DLG4: variants seen among roughly 807,000 people sequenced by gnomAD.
DLG4 encodes discs large MAGUK scaffold protein 4.
In DLG4, 7 loss-of-function variants were observed where a neutral mutation model predicts 93.8. That is an observed-to-expected ratio of 0.07 (90% confidence interval 0.04 to 0.14). The LOEUF is 0.14. Ranked by LOEUF, DLG4 falls within the 10% of genes least tolerant of loss-of-function variation. The pLI, the probability that DLG4 is intolerant of heterozygous loss-of-function variation, is 1.00. For synonymous variants in DLG4, 341 were observed against 387.6 expected (o/e 0.88, Z 1.41); for missense variants, 545 against 992.9 (o/e 0.55, Z 6.06).
intron 1 of DLG4, among the ~76,000 whole-genome samples, chr17:7,214,762 G>T (rs1567552810): frequency 6.6e-6 from 1 of 152,244 alleles, no homozygotes; most frequent in Non-Finnish European, 1.5e-5. Context: ...GGAGGGACGG[G>T]GGCGGAGTGG....
chr17:7,219,031 T>G, upstream of DLG4: 1 of 660,274 alleles, frequency 1.5e-6, no homozygotes, highest in Non-Finnish European at 2.6e-6. Flanking sequence ...GGCCCCCTCT[T>G]CCCATAGGCA....
At position 7,190,867 on chromosome 17, in the gene DLG4, T is replaced by TGGCCAAGGGGGTTGCACC. The variant is rs1274072287; in HGVS notation, c.2069-71_2069-54dup. The TGGCCAAGGGGGTTGCACC allele has an allele frequency of 1.6e-5, 24 of 1,489,430 alleles. No homozygotes were observed. The African/African-American group carries it at 3.1e-4, about 19-fold the overall frequency. 92.3% of individuals were successfully genotyped at this position (1,489,430 alleles called of 1,614,324 possible). A position where few individuals can be genotyped will look rare whatever the true frequency, so the allele number is the denominator to read the frequency against. ...GGCCAAGGAAGGGCCAGAGGACACC[T>TGGCCAAGGGGGTTGCACC]GGCCAAGGGGGTTGCACCAGCCCAG... On this transcript the variant is annotated intron_variant, in intron 19 of 19. Transcript: ENST00000399506.
Position 7,217,156 on chromosome 17 carries a change from G to A in DLG4, c.-9C>T. ...ATACAGAGACAGTCCATGTTGGGGG[G>A]CCTGGCCGCGGCGGCGGGTAAGGGG... On this transcript the variant is annotated 5_prime_UTR_variant, in exon 1 of 20. Coordinates refer to ENST00000399506, the MANE Select transcript of DLG4 (RefSeq NM_001321075.3). 1 of 1,289,560 alleles carries A rather than the reference G, an allele frequency of 7.8e-7. No homozygotes were observed. Among genetic ancestry groups the A allele is most frequent in the East Asian group, 3.1e-5 (1 of 32,238 alleles). 79.9% of individuals were successfully genotyped at this position (1,289,560 alleles called of 1,614,324 possible).
Position 7,217,112 on chromosome 17 carries a change from G to A in DLG4, c.30+6C>T. ...CCCCAGTTTATAGCCCCCCCATCATGCTTACCTTGGTTGTCACTATACAGA... is the reference window on the plus strand; with the variant it reads ...CCCCAGTTTATAGCCCCCCCATCATACTTACCTTGGTTGTCACTATACAGA... On this transcript the variant is annotated splice_donor_region_variant and intron_variant, in intron 1 of 19. Transcript: ENST00000399506. The A allele has an allele frequency of 7.8e-7, 1 of 1,288,700 alleles. No individual in the cohort carries two copies. Among genetic ancestry groups the A allele is most frequent in the South Asian group, 3.2e-5 (1 of 30,850 alleles). The allele number at this position is 1,288,700 out of a possible 1,614,324, so 79.8% of individuals were successfully genotyped here.
intron 8 of DLG4, among the ~76,000 whole-genome samples, chr17:7,199,802 C>T (rs1402368435): frequency 6.6e-6 from 1 of 151,532 alleles, no homozygotes; most frequent in Non-Finnish European, 1.5e-5. Flanking sequence ...CACGGTGAAA[C>T]CCCATCTCTA....
chr17:7,216,078 T>A (rs1480671662), intron 1 of DLG4, among the ~76,000 whole-genome samples: 1 of 151,020 alleles, frequency 6.6e-6, no homozygotes, highest in Non-Finnish European at 1.5e-5. Flanking sequence ...CTTGCACAGA[T>A]CCCCATCGCT....
At position 7,193,635 on chromosome 17, in the gene DLG4, G is replaced by A. The variant is rs2069617531; in HGVS notation, c.1591+32C>T. 1 of 1,532,856 alleles carries A rather than the reference G, an allele frequency of 6.5e-7. No homozygotes were observed. Among genetic ancestry groups the A allele is most frequent in the Admixed American group, 2.1e-5 (1 of 47,162 alleles). The allele number at this position is 1,532,856 out of a possible 1,614,324, so 95.0% of individuals were successfully genotyped here. A position where few individuals can be genotyped will look rare whatever the true frequency, so the allele number is the denominator to read the frequency against. Reference sequence around the variant, plus strand: ...GAGCGCAGGGTTGGGGGAGCAGCAAGTGCTGGGGCCAAGGCAGGGGCCAGG... The same window carrying A: ...GAGCGCAGGGTTGGGGGAGCAGCAAATGCTGGGGCCAAGGCAGGGGCCAGG... On this transcript the variant is annotated intron_variant, in intron 15 of 19. Coordinates refer to ENST00000399506, the MANE Select transcript of DLG4 (RefSeq NM_001321075.3). The surrounding 1 kb of genome is among the most constrained non-coding windows in gnomAD (Gnocchi z 6.7).
intron 8 of DLG4, 23 bp from the exon 9 acceptor site, chr17:7,197,075 G>C (rs1597454399): frequency 1.9e-6 from 3 of 1,578,036 alleles, no homozygotes; most frequent in Admixed American, 3.5e-5. Context: ...GGGCAGAGAT[G>C]AAAGTGCCTG....
chr17:7,196,624 T>A lies in DLG4; in HGVS notation c.1084-49A>T. On this transcript the variant is annotated intron_variant, in intron 9 of 19. Transcript: ENST00000399506. This position sits in a 1 kb window ranked among gnomAD's most constrained non-coding sequence, Gnocchi z 8.3. Reference sequence around the variant, plus strand: ...GTCACCAGAGACAGGAGGCAGCACTTCTGGGTCCAGGTGGAGCAGGGAGTG... The same window carrying A: ...GTCACCAGAGACAGGAGGCAGCACTACTGGGTCCAGGTGGAGCAGGGAGTG... 1 of 1,608,746 alleles carries A rather than the reference T, an allele frequency of 6.2e-7. No individual in the cohort carries two copies. Among genetic ancestry groups the A allele is most frequent in the South Asian group, 1.1e-5 (1 of 90,742 alleles).
In DLG4 at chr17:7,208,093, GGCGTGGC is replaced by G; in HGVS notation, c.96+74_96+80del. ...CTCCTACCTTGAAGGGGGAGAGGTG[GGCGTGGC>G]CCACGACCCCGTGGCCAGCCTCGAG... On this transcript the variant is annotated intron_variant, in intron 2 of 19. Transcript: ENST00000399506. The surrounding 1 kb of genome is among the most constrained non-coding windows in gnomAD (Gnocchi z 5.4). 1.2e-5 allele frequency: 16 copies of G among 1,317,072 alleles called. No homozygotes were observed. Among genetic ancestry groups the G allele is most frequent in the Non-Finnish European group, 1.6e-5 (16 of 1,023,986 alleles). 81.6% of individuals were successfully genotyped at this position (1,317,072 alleles called of 1,614,324 possible). A position where few individuals can be genotyped will look rare whatever the true frequency, so the allele number is the denominator to read the frequency against.
chr17:7,214,276 T>G (rs899409442), intron 1 of DLG4, among the ~76,000 whole-genome samples: 2 of 152,184 alleles, frequency 1.3e-5, no homozygotes, highest in African/African-American at 4.8e-5. Flanking sequence ...CTGTCTCCTT[T>G]ACGCACGGGG....
chr17:7,202,945 C>T lies in DLG4; in HGVS notation c.745G>A (p.Ala249Thr). The change falls in exon 8 of 20, where the codon GCC becomes ACC. Residue 249 changes from alanine to threonine, a missense_variant. Transcript: ENST00000399506. ...VYLKVAKPSNAYLSDSYAPPD... is the reference protein window; with the variant it reads ...VYLKVAKPSNTYLSDSYAPPD... ...GGAGCATAGCTGTCACTCAGGTAGG[C>T]ATTGCTGGGCTTGGCCACCTTTAGG... 3 of 1,614,012 alleles carry T rather than the reference C, an allele frequency of 1.9e-6. No homozygotes were observed. Among genetic ancestry groups the T allele is most frequent in the Non-Finnish European group, 2.5e-6 (3 of 1,179,884 alleles).
upstream of DLG4, chr17:7,218,244 ACT>A (rs780212257): frequency 1.6e-5 from 26 of 1,608,556 alleles, no homozygotes; most frequent in African/African-American, 3.0e-4. Context: ...TCCTTACCTG[ACT>A]CTCTGAGAGG....
chr17:7,214,739 C>A (rs1041882321), intron 1 of DLG4, among the ~76,000 whole-genome samples: 1 of 152,150 alleles, frequency 6.6e-6, no homozygotes, highest in Non-Finnish European at 1.5e-5. Flanking sequence ...GCGGCAGCAG[C>A]GCGGGGAAAG....
chr17:7,191,944 TG>T lies in DLG4; in HGVS notation c.1924del (p.His642ThrfsTer18). 1 of 1,482,374 alleles carries T rather than the reference TG, an allele frequency of 6.7e-7. No individual in the cohort carries two copies. The highest frequency in any genetic ancestry group is 9.0e-7 in the Non-Finnish European group (1 of 1,112,456). The allele number at this position is 1,482,374 out of a possible 1,614,324, so 91.8% of individuals were successfully genotyped here. On this transcript the variant is annotated frameshift_variant, in exon 18 of 20. Transcript: ENST00000399506. LOFTEE classifies it high-confidence loss of function. The surrounding 1 kb of genome is among the most constrained non-coding windows in gnomAD (Gnocchi z 6.6). ...ANAVRRLQAA[H>X]LHPIAIFIRP... Reference sequence around the variant, plus strand: ...GATGAAGATGGCGATGGGGTGCAGGTGGGCCGCCTGCAGCCGCCGCACGGCA... The same window carrying T: ...GATGAAGATGGCGATGGGGTGCAGGTGGCCGCCTGCAGCCGCCGCACGGCA...
At chr17:7,192,853 A>G in intron 17 of DLG4, 92 bp downstream of exon 17, 5 of 1,380,520 alleles carry the variant, frequency 3.6e-6, no homozygotes, top group Non-Finnish European at 4.9e-6. Context: ...AGGGAAAGAG[A>G]CAGAGAGAGA....
chr17:7,200,557 G>A (rs556170435), intron 8 of DLG4, among the ~76,000 whole-genome samples: 5 of 142,038 alleles, frequency 3.5e-5, no homozygotes, highest in Admixed American at 7.0e-5. Flanking sequence ...TTTTTTTGTC[G>A]TTTTTTGAGA....
rs2070604526 is a variant in DLG4 at position 7,208,986 on chromosome 17, C to A, written c.31-747G>T. Among the ~76,000 whole-genome samples, 1 of 152,140 alleles carries A rather than the reference C, an allele frequency of 6.6e-6. No individual in the cohort carries two copies. ...CCTACCCCTGCAACAGCCCACAGCC[C>A]AGCCAGCTAATCCGGTTATGCTATA... On this transcript the variant is annotated intron_variant, in intron 1 of 19. Coordinates refer to ENST00000399506, the MANE Select transcript of DLG4 (RefSeq NM_001321075.3). This position sits in a 1 kb window ranked among gnomAD's most constrained non-coding sequence, Gnocchi z 5.4.
chr17:7,215,645 A>G (rs540417947), intron 1 of DLG4, among the ~76,000 whole-genome samples: 1 of 152,274 alleles, frequency 6.6e-6, no homozygotes, highest in South Asian at 2.1e-4. Context: ...AGAATGAAGG[A>G]CAAGAAAGTC....
Sources: allele counts gnomAD v4.1 joint callset (sites outside exome capture counted in the v4.1 genomes callset), GRCh38; gene constraint gnomAD v4.1.1; non-coding constraint Gnocchi (gnomAD v3.1); transcripts MANE v1.5; gene names NCBI Gene and HGNC (gene_info 2026-07-23, HGNC 2026-07-21).